The following PDLIM5 variants were observed in gnomAD, a reference collection of about 807,000 sequenced individuals.
PDLIM5 encodes PDZ and LIM domain protein 5.
PDLIM5 carries 34 observed loss-of-function variants against 64.2 expected under a neutral mutation model. The observed-to-expected ratio is 0.53, with a 90% CI of 0.40 to 0.71. The LOEUF is 0.71. Ranked by LOEUF, PDLIM5 falls within the 30% of genes least tolerant of loss-of-function variation. The pLI, the probability that PDLIM5 is intolerant of heterozygous loss-of-function variation, is 0.00. For missense variants in PDLIM5, 683 were observed against 733.6 expected (o/e 0.93, Z 0.80); for synonymous variants, 253 against 269.1 (o/e 0.94, Z 0.59).
chr4:94,469,735 G>A (rs1560635759), intron 2 of PDLIM5, among the ~76,000 whole-genome samples: 1 of 152,160 alleles, frequency 6.6e-6, no homozygotes, highest in Admixed American at 6.5e-5. Context: ...CTCCAGGCTG[G>A]TATGTTTCAT....
At chr4:94,481,129 T>A (rs547128143) in intron 2 of PDLIM5, among the ~76,000 whole-genome samples, 1 of 152,198 alleles carries the variant, frequency 6.6e-6, no homozygotes, top group Non-Finnish European at 1.5e-5. Context: ...TTTTTAAATA[T>A]CTTAAAAGAT....
At chr4:94,465,482 C>A (rs1288295252) in intron 2 of PDLIM5, among the ~76,000 whole-genome samples, 3 of 152,178 alleles carry the variant, frequency 2.0e-5, no homozygotes, top group African/African-American at 7.2e-5. Context: ...CTCACTATAA[C>A]CTCCACGTCC....
At chr4:94,528,581 C>T (rs1730581933) in intron 3 of PDLIM5, among the ~76,000 whole-genome samples, 1 of 151,946 alleles carries the variant, frequency 6.6e-6, no homozygotes, top group South Asian at 2.1e-4. Flanking sequence ...GTATTATTTC[C>T]CAAAGTAGGA....
chr4:94,644,610 C>G (rs1025944549), intron 9 of PDLIM5, among the ~76,000 whole-genome samples: 2 of 151,674 alleles, frequency 1.3e-5, no homozygotes, highest in African/African-American at 4.8e-5. Flanking sequence ...ACTGCAACCT[C>G]GGCTCACTGC....
chr4:94,558,767 TC>T (rs1425288092), intron 3 of PDLIM5, among the ~76,000 whole-genome samples: 3 of 152,046 alleles, frequency 2.0e-5, no homozygotes, highest in African/African-American at 7.2e-5. Context: ...ATAAATCAGT[TC>T]CCTATTCCAT....
chr4:94,501,706 T>C (rs1727937091), intron 2 of PDLIM5, among the ~76,000 whole-genome samples: 2 of 152,200 alleles, frequency 1.3e-5, no homozygotes, highest in African/African-American at 4.8e-5. Context: ...GAAGCTGTGC[T>C]CTATATTATT....
At chr4:94,615,760 G>T (rs1578476273) in intron 7 of PDLIM5, among the ~76,000 whole-genome samples, 1 of 152,172 alleles carries the variant, frequency 6.6e-6, no homozygotes, top group Admixed American at 6.6e-5. Flanking sequence ...ATTAGGAACA[G>T]ATTTTTTTCC....
chr4:94,534,743 A>G (rs979220861), intron 3 of PDLIM5, among the ~76,000 whole-genome samples: 9 of 152,302 alleles, frequency 5.9e-5, no homozygotes, highest in Middle Eastern at 3.4e-3. Flanking sequence ...AATCCATTGT[A>G]AAGTACTTCA....
At chr4:94,622,042 G>A (rs1310972551) in intron 8 of PDLIM5, among the ~76,000 whole-genome samples, 1 of 152,092 alleles carries the variant, frequency 6.6e-6, no homozygotes, top group African/African-American at 2.4e-5. Flanking sequence ...TTGTGGCAAA[G>A]TTAACTTATT....
At chr4:94,521,850 T>G (rs1432199719) in intron 2 of PDLIM5, among the ~76,000 whole-genome samples, 1 of 152,116 alleles carries the variant, frequency 6.6e-6, no homozygotes, top group Non-Finnish European at 1.5e-5. Flanking sequence ...TTCTAGTTAA[T>G]TTTTTGTTTA....
At chr4:94,622,703 CTCTG>C (rs1739337006) in intron 8 of PDLIM5, among the ~76,000 whole-genome samples, 1 of 151,488 alleles carries the variant, frequency 6.6e-6, no homozygotes, top group Non-Finnish European at 1.5e-5. Flanking sequence ...TCCTCCCTCA[CTCTG>C]TCGCCCAGGC....
chr4:94,629,372 A>G (rs1739962663), intron 8 of PDLIM5, among the ~76,000 whole-genome samples: 1 of 152,086 alleles, frequency 6.6e-6, no homozygotes, highest in African/African-American at 2.4e-5. Context: ...TTCTGTGTGT[A>G]TATTGTGGTA....
At chr4:94,541,920 C>T (rs1309551740) in intron 3 of PDLIM5, among the ~76,000 whole-genome samples, 8 of 152,214 alleles carry the variant, frequency 5.3e-5, no homozygotes, top group African/African-American at 1.9e-4. Context: ...GGCAGGTGCC[C>T]TGGCCAGAGC....
intron 3 of PDLIM5, among the ~76,000 whole-genome samples, chr4:94,566,665 T>C (rs566529180): frequency 6.6e-6 from 1 of 152,276 alleles, no homozygotes; most frequent in African/African-American, 2.4e-5. Context: ...GTTCTATTCC[T>C]CAAAGAATTC....
In PDLIM5 at chr4:94,583,895, TTAAA is replaced by T. The variant is rs369583728; in HGVS notation, c.711-1666_711-1663del. The stretch of plus-strand genomic sequence containing the variant: ...CATACATTATCTATCTTATTTGTTC[TTAAA>T]TAACCCTTTAAGATGCAAGTCTTAT... On this transcript the variant is annotated intron_variant, in intron 5 of 12. Transcript: ENST00000317968. Among the ~76,000 whole-genome samples, 133 of 152,350 alleles carry T rather than the reference TTAAA, an allele frequency of 8.7e-4. 2 individuals carry two copies. In the East Asian group the frequency reaches 9.2e-3, roughly 11 times the overall value.
At chr4:94,589,374 G>C (rs553348226) in intron 7 of PDLIM5, among the ~76,000 whole-genome samples, 1 of 152,160 alleles carries the variant, frequency 6.6e-6, no homozygotes, top group Non-Finnish European at 1.5e-5. Flanking sequence ...TAAAAATGAA[G>C]TATTTAGTGT....
At chr4:94,589,733 TTTCTTTTC>T (rs1223455658) in intron 7 of PDLIM5, among the ~76,000 whole-genome samples, 4 of 26,060 alleles carry the variant, frequency 1.5e-4, no homozygotes, top group Non-Finnish European at 3.0e-4. Context: ...TCTTTCTTTC[TTTCTTTTC>T]TTTTCTTTTC....
intron 2 of PDLIM5, among the ~76,000 whole-genome samples, chr4:94,462,129 C>G (rs1203852759): frequency 6.6e-6 from 1 of 152,206 alleles, no homozygotes; most frequent in Non-Finnish European, 1.5e-5. Flanking sequence ...TCCCAAAGTG[C>G]TGGGATTACA....
chr4:94,629,333 C>CA (rs1381388303), intron 8 of PDLIM5, among the ~76,000 whole-genome samples: 162 of 140,954 alleles, frequency 1.1e-3, no homozygotes, highest in South Asian at 8.8e-3. Flanking sequence ...GACTCAGTTT[C>CA]AAAAAAAAAA....
Sources: gnomAD v4.1 joint callset for allele counts (sites outside exome capture counted in the v4.1 genomes callset) on GRCh38, gnomAD v4.1.1 for gene constraint, MANE v1.5 for transcripts, NCBI Gene and HGNC (gene_info 2026-07-23, HGNC 2026-07-21) for gene names.